Variants in CHI3L2 observed in about 807,000 individuals in gnomAD.
CHI3L2 encodes the protein chitinase-3-like protein 2.
In CHI3L2, 47 loss-of-function variants were observed where a neutral mutation model predicts 47.3. The ratio of observed to expected loss-of-function variants is 0.99; its 90% CI spans 0.79 to 1.27. CHI3L2 has a LOEUF of 1.27. Ranked by LOEUF, CHI3L2 falls within the 50% of genes most tolerant of loss-of-function variation. The pLI is 0.00. For missense variants in CHI3L2, 497 were observed against 462.1 expected (o/e 1.08, Z -0.69); for synonymous variants, 198 against 169.9 (o/e 1.17, Z -1.28).
rs1239501543 is a variant in CHI3L2, at chr1:111,233,557, G to A, written c.330-1350G>A. Among the ~76,000 whole-genome samples the A allele has an allele frequency of 2.6e-5, 4 of 152,166 alleles. No individual in the cohort carries two copies. In the East Asian group the frequency reaches 5.8e-4, roughly 22 times the overall value. On this transcript the variant is annotated intron_variant, in intron 4 of 10. Coordinates refer to ENST00000369748, the MANE Select transcript of CHI3L2 (RefSeq NM_004000.3). ...TAAAGAAAACCAAAGCTGGCATCCA[G>A]GAGGGAGGTGGGGGGGGTCAGCACC...
Position 111,228,680 on chromosome 1 carries a change from C to T in CHI3L2, c.40+911C>T, listed in dbSNP as rs374966014. The stretch of plus-strand genomic sequence containing the variant: ...TAGAGCCCTGTTTTCCAGCCCTAAG[C>T]TCTGCAGGGGAGGAATCAGCTCCAG... On this transcript the variant is annotated intron_variant, in intron 1 of 10. Coordinates refer to ENST00000369748, the MANE Select transcript of CHI3L2 (RefSeq NM_004000.3). Among the ~76,000 whole-genome samples, 15 of 152,368 alleles carry T rather than the reference C, an allele frequency of 9.8e-5. No homozygotes were observed. The East Asian group carries it at 2.3e-3, about 23-fold the overall frequency.
chr1:111,229,993 G>T (rs2101544522), intron 2 of CHI3L2, 112 bp downstream of exon 2: 1 of 1,157,186 alleles, frequency 8.6e-7, no homozygotes, highest in East Asian at 2.4e-5. Context: ...ACTCTCTCCG[G>T]TTCTGCCACT....
chr1:111,234,915 C>G lies in CHI3L2; in HGVS notation c.338C>G (p.Pro113Arg). Residue 113 changes from proline to arginine, a missense_variant, in exon 5 of 11, where the codon CCT becomes CGT. Coordinates refer to ENST00000369748, the MANE Select transcript of CHI3L2 (RefSeq NM_004000.3). ...GTATTGCTTCTTTCCAGGTTCCACC[C>G]TATGGTGGATTCTTCTACATCACGC... is the stretch of plus-strand genomic sequence containing the variant. ...GYLFGSKGFH[P>R]MVDSSTSRLE... The G allele has an allele frequency of 6.2e-7, 1 of 1,613,920 alleles. No homozygotes were observed. Among genetic ancestry groups the G allele is most frequent in the Non-Finnish European group, 8.5e-7 (1 of 1,179,790 alleles).
At chr1:111,239,953 C>A (rs938899017) in intron 8 of CHI3L2, among the ~76,000 whole-genome samples, 1 of 152,072 alleles carries the variant, frequency 6.6e-6, no homozygotes. Context: ...AGTTCAAAAA[C>A]AAGATAACTA....
intron 4 of CHI3L2, among the ~76,000 whole-genome samples, chr1:111,234,421 A>T (rs1659818431): frequency 6.6e-6 from 1 of 152,198 alleles, no homozygotes; most frequent in African/African-American, 2.4e-5. Flanking sequence ...GATTCTTGCT[A>T]AACTGATTCA....
At chr1:111,230,695 A>T in intron 2 of CHI3L2, 47 bp from the exon 3 acceptor site, 1 of 1,522,372 alleles carries the variant, frequency 6.6e-7, no homozygotes. Context: ...TCTGGACTCT[A>T]AGGCAACAGC....
Position 111,242,275 on chromosome 1 carries a change from A to G in CHI3L2, c.1084A>G (p.Ile362Val), listed in dbSNP as rs1435270687. 4.3e-6 allele frequency: 7 copies of G among 1,614,092 alleles called. No homozygotes were observed. Among genetic ancestry groups the G allele is most frequent in the Non-Finnish European group, 5.9e-6 (7 of 1,179,988 alleles). The change falls in exon 10 of 11, where the codon ATT becomes GTT. Residue 362 changes from isoleucine (I) to valine (V), a missense_variant. Transcript: ENST00000369748. ...LNLGGAMIWS[I>V]DMDDFTGKSC... The stretch of plus-strand genomic sequence containing the variant: ...CCTGGGAGGAGCCATGATCTGGTCT[A>G]TTGACATGGATGACTTCACTGGCAA...
intron 2 of CHI3L2, 128 bp downstream of exon 2, chr1:111,230,009 ATT>A: frequency 1.0e-6 from 1 of 983,240 alleles, no homozygotes; most frequent in Non-Finnish European, 1.5e-6. Flanking sequence ...CCACTGACAT[ATT>A]TATGACACTG....
In CHI3L2 at chr1:111,235,632, T is replaced by C; in HGVS notation, c.481-7T>C. The C allele has an allele frequency of 8.7e-6, 14 of 1,612,382 alleles. No homozygotes were observed. The highest frequency in any genetic ancestry group is 1.2e-5 in the Non-Finnish European group (14 of 1,179,360). On this transcript the variant is annotated splice_region_variant and splice_polypyrimidine_tract_variant and intron_variant, in intron 5 of 10. Transcript: ENST00000369748. ...AATATTGCACCTCGTTTCTTTGTTTTTCCTAGGAGTTAGCAGAAGCCTTTC... is the reference window on the plus strand; with the variant it reads ...AATATTGCACCTCGTTTCTTTGTTTCTCCTAGGAGTTAGCAGAAGCCTTTC...
intron 10 of CHI3L2, 99 bp from the exon 11 acceptor site, chr1:111,243,118 G>C: frequency 2.2e-6 from 1 of 455,226 alleles, no homozygotes; most frequent in Non-Finnish European, 4.4e-6. Context: ...AGATAATTGG[G>C]TAGCAGCCTT....
chr1:111,228,160 T>C (rs764634650), intron 1 of CHI3L2, among the ~76,000 whole-genome samples: 1 of 152,208 alleles, frequency 6.6e-6, no homozygotes, highest in Non-Finnish European at 1.5e-5. Flanking sequence ...GCCCCACATT[T>C]CTCATCTGCA....
In CHI3L2 at chr1:111,227,774, G is replaced by T. The variant is rs1258345016; in HGVS notation, c.40+5G>T. ...ACCAGAAGTCTCTCTGGGCAGGTGA[G>T]CATGGGGTTGATAATTCAGCAGGAA... On this transcript the variant is annotated splice_donor_5th_base_variant and intron_variant, in intron 1 of 10. Coordinates refer to ENST00000369748, the MANE Select transcript of CHI3L2 (RefSeq NM_004000.3). The T allele has an allele frequency of 4.3e-6, 7 of 1,613,920 alleles. No homozygotes were observed. The highest frequency in any genetic ancestry group is 1.3e-5 in the African/African-American group (1 of 74,920).
chr1:111,235,016 C>G lies in CHI3L2; in HGVS notation c.439C>G (p.Pro147Ala). The G allele has an allele frequency of 6.2e-7, 1 of 1,614,032 alleles. No individual in the cohort carries two copies. Among genetic ancestry groups the G allele is most frequent in the Non-Finnish European group, 8.5e-7 (1 of 1,179,996 alleles). Residue 147 changes from proline (P) to alanine (A), a missense_variant, in exon 5 of 11, where the codon CCA (proline) becomes GCA (alanine). By Grantham distance (27) the Pro-to-Ala change is conservative. Coordinates refer to ENST00000369748, the MANE Select transcript of CHI3L2 (RefSeq NM_004000.3). ...TGGACTGGATGTAAGCTGGATCTAC[C>G]CAGATCAGAAAGAAAACACTCATTT... ...FDGLDVSWIY[P>A]DQKENTHFTV...
intron 1 of CHI3L2, 85 bp downstream of exon 1, chr1:111,227,854 T>C: frequency 7.6e-7 from 1 of 1,323,514 alleles, no homozygotes; most frequent in Non-Finnish European, 1.1e-6. Flanking sequence ...TCTTCCTCCT[T>C]TCCTGGGACT....
intron 9 of CHI3L2, 81 bp from the exon 10 acceptor site, chr1:111,242,146 C>T: frequency 1.3e-6 from 2 of 1,568,102 alleles, no homozygotes; most frequent in African/African-American, 2.7e-5. Flanking sequence ...TAAGCTTAGT[C>T]CCTCATCTGA....
chr1:111,232,135 A>G (rs1213848348), intron 4 of CHI3L2, among the ~76,000 whole-genome samples: 3 of 152,230 alleles, frequency 2.0e-5, no homozygotes, highest in African/African-American at 4.8e-5. Flanking sequence ...AAGTAGTGTT[A>G]GAAGACCTAT....
intron 4 of CHI3L2, among the ~76,000 whole-genome samples, chr1:111,232,241 T>TG (rs1659744769): frequency 6.6e-6 from 1 of 152,234 alleles, no homozygotes; most frequent in African/African-American, 2.4e-5. Flanking sequence ...TCAATATGAA[T>TG]GGGCTTCCAT....
In CHI3L2 at chr1:111,234,955, C is replaced by T. The variant is rs1328030014; in HGVS notation, c.378C>T (p.Asn126=). Residue 126 remains asparagine, a synonymous_variant, in exon 5 of 11, where the codon AAC becomes AAT. Coordinates refer to ENST00000369748, the MANE Select transcript of CHI3L2 (RefSeq NM_004000.3). The stretch of plus-strand genomic sequence containing the variant: ...CTACATCACGCTTGGAATTCATTAA[C>T]TCCATAATCCTGTTTCTGAGGAACC... ...DSSTSRLEFI[N]SIILFLRNHN... is the part of the protein sequence containing the mutation. 18 of 1,613,968 alleles carry T rather than the reference C, an allele frequency of 1.1e-5. No homozygotes were observed. The highest frequency in any genetic ancestry group is 1.5e-5 in the Non-Finnish European group (18 of 1,179,918).
intron 2 of CHI3L2, 151 bp downstream of exon 2, chr1:111,230,032 C>A: frequency 1.2e-6 from 1 of 857,776 alleles, no homozygotes. Flanking sequence ...AGTTTTTATT[C>A]TATCTTTTTG....
Sources: gnomAD v4.1 joint callset for allele counts (sites outside exome capture counted in the v4.1 genomes callset) on GRCh38, gnomAD v4.1.1 for gene constraint, MANE v1.5 for transcripts, NCBI Gene and HGNC (gene_info 2026-07-23, HGNC 2026-07-21) for gene names.